The following KCNMB3 variants were observed in gnomAD, a reference collection of about 807,000 sequenced individuals.
KCNMB3 encodes the protein potassium calcium-activated channel subfamily M regulatory beta subunit 3.
In KCNMB3, 18 loss-of-function variants were observed where a neutral mutation model predicts 11.9. The ratio of observed to expected loss-of-function variants is 1.51; its 90% CI spans 1.04 to 2.23. The LOEUF is 2.23. KCNMB3 is among the 30% of genes most tolerant of loss of function. KCNMB3 has a pLI of 0.00. For synonymous variants in KCNMB3, 78 were observed against 119.2 expected, an observed-to-expected ratio of 0.65 and a Z score of 2.25; for missense variants, 247 against 329.4, an observed-to-expected ratio of 0.75 and a Z score of 1.94.
At chr3:179,251,236 A>G (rs1725833243), upstream of KCNMB3, 13 of 1,514,656 alleles carry the variant, frequency 8.6e-6, no homozygotes, top group Non-Finnish European at 1.1e-5. Flanking sequence ...TATGTAAATA[A>G]GTGTTACGAA....
At chr3:179,266,976 G>A (rs939192671), upstream of KCNMB3, 30 of 1,224,194 alleles carry the variant, frequency 2.5e-5, no homozygotes, top group Admixed American at 1.7e-4. Flanking sequence ...TGCTGCAGCC[G>A]AAGCTGCTTC....
rs141857463 is a variant in KCNMB3 at position 179,250,817 on chromosome 3, C to T, written c.174G>A (p.Gly58=). 8.1e-5 allele frequency: 131 copies of T among 1,614,080 alleles called. No homozygotes were observed. The highest frequency in any genetic ancestry group is 8.3e-5 in the Non-Finnish European group (98 of 1,180,044). The change falls in exon 1 of 3, where the codon GGG becomes GGA. Residue 58 remains glycine, a synonymous_variant. Transcript: ENST00000392685. ...GGACTGAGAAGCCCATCATGGCAAA[C>T]CCCAGCATCACGGCTCGGTCCTCTC... The part of the protein sequence containing the change: ...SAGEDRAVML[G]FAMMGFSVLM...
At chr3:179,266,508 G>A in intron 1 of KCNMB3, 1 of 904,574 alleles carries the variant, frequency 1.1e-6, no homozygotes, top group Non-Finnish European at 1.7e-6. Flanking sequence ...AAGCCTGCTG[G>A]GTACCCTGGG....
intron 1 of KCNMB3, among the ~76,000 whole-genome samples, chr3:179,256,892 T>C (rs1410388955): frequency 6.6e-6 from 1 of 152,204 alleles, no homozygotes; most frequent in Non-Finnish European, 1.5e-5. Context: ...CAGGCTGTGG[T>C]GGCTCATGCC....
At chr3:179,259,058 G>C in intron 1 of KCNMB3, 1 of 1,611,404 alleles carries the variant, frequency 6.2e-7, no homozygotes, top group Non-Finnish European at 8.5e-7. Flanking sequence ...TGCCCTTCTC[G>C]TTCCCTCCTC....
intron 1 of KCNMB3, among the ~76,000 whole-genome samples, chr3:179,245,197 T>A (rs1255806517): frequency 6.6e-6 from 1 of 152,064 alleles, no homozygotes; most frequent in African/African-American, 2.4e-5. Flanking sequence ...CCTCTCATGC[T>A]CATCATCTCA....
chr3:179,258,933 G>C, intron 1 of KCNMB3: 1 of 1,613,438 alleles, frequency 6.2e-7, no homozygotes, highest in Non-Finnish European at 8.5e-7. Context: ...TATGAATTTA[G>C]AACATTCTAC....
In KCNMB3 at chr3:179,249,203, C is replaced by T. The variant is rs541288350; in HGVS notation, c.248+1540G>A. On this transcript the variant is annotated intron_variant, in intron 1 of 2. Coordinates refer to ENST00000392685, the MANE Select transcript of KCNMB3 (RefSeq NM_171830.2). ...AATTTTTTTGTATTTTTAGTAGAGA[C>T]GGGGTTTCAGCATGTTAGCCAGGAT... Among the ~76,000 whole-genome samples the T allele has an allele frequency of 4.9e-4, 74 of 150,100 alleles. 1 individual carries two copies. In the East Asian group the frequency reaches 0.012, roughly 24 times the overall value.
At chr3:179,264,235 A>G (rs571125347) in intron 1 of KCNMB3, among the ~76,000 whole-genome samples, 115 of 152,208 alleles carry the variant, frequency 7.6e-4, no homozygotes, top group Non-Finnish European at 1.3e-3. Context: ...CCTATTGGCT[A>G]CATAATGTTC....
At chr3:179,245,787 C>T (rs1456167981) in intron 1 of KCNMB3, among the ~76,000 whole-genome samples, 2 of 152,198 alleles carry the variant, frequency 1.3e-5, no homozygotes, top group Non-Finnish European at 2.9e-5. Context: ...GCGTGAGCCA[C>T]GGCTCCTGGT....
At chr3:179,266,658 C>G in exon 1 of KCNMB3, 1 of 1,614,132 alleles carries the variant, frequency 6.2e-7, no homozygotes, top group Non-Finnish European at 8.5e-7. Flanking sequence ...CCTCCCCTGG[C>G]GCCTCCGGCT....
intron 1 of KCNMB3, among the ~76,000 whole-genome samples, chr3:179,261,634 G>C (rs539434581): frequency 6.6e-6 from 1 of 151,650 alleles, no homozygotes; most frequent in African/African-American, 2.4e-5. Context: ...GAATTCAGTA[G>C]AAACTGTACC....
At chr3:179,253,513 T>C (rs191171250), upstream of KCNMB3, among the ~76,000 whole-genome samples, 4 of 152,212 alleles carry the variant, frequency 2.6e-5, no homozygotes, top group African/African-American at 7.2e-5. Context: ...AACTAAAACA[T>C]AGATAGGTTT....
downstream of KCNMB3, chr3:179,240,461 C>G (rs116503868): frequency 3.9e-3 from 601 of 155,302 alleles, 4 homozygotes; most frequent in African/African-American, 0.013. Context: ...GTTTGAAGAT[C>G]AGAACCTAGA....
At chr3:179,247,789 C>T (rs1385852075) in intron 1 of KCNMB3, among the ~76,000 whole-genome samples, 1 of 152,112 alleles carries the variant, frequency 6.6e-6, no homozygotes, top group Non-Finnish European at 1.5e-5. Flanking sequence ...TACATCTTTC[C>T]CCTAACAATG....
Position 179,242,779 on chromosome 3 carries a change from C to A in KCNMB3, c.*125G>T. 3.6e-6 allele frequency: 5 copies of A among 1,373,324 alleles called. No homozygotes were observed. Among genetic ancestry groups the A allele is most frequent in the South Asian group, 4.0e-5 (2 of 50,222 alleles). The allele number at this position is 1,373,324 out of a possible 1,614,324, so 85.1% of individuals were successfully genotyped here. A position where few individuals can be genotyped will look rare whatever the true frequency, so the allele number is the denominator to read the frequency against. ...AAAATGAGGCTTTTAAATTTTTTCCCACATGAAAATATGATACTTTAATTA... is the reference window on the plus strand; with the variant it reads ...AAAATGAGGCTTTTAAATTTTTTCCAACATGAAAATATGATACTTTAATTA... On this transcript the variant is annotated 3_prime_UTR_variant, in exon 3 of 3. Coordinates refer to ENST00000392685, the MANE Select transcript of KCNMB3 (RefSeq NM_171830.2).
intron 1 of KCNMB3, among the ~76,000 whole-genome samples, chr3:179,250,165 G>A (rs569895168): frequency 6.6e-6 from 1 of 152,304 alleles, no homozygotes; most frequent in East Asian, 1.9e-4. Context: ...GGAGGAGAAA[G>A]AGGAGGGATT....
chr3:179,264,971 G>C (rs888788280), intron 1 of KCNMB3, among the ~76,000 whole-genome samples: 1 of 152,154 alleles, frequency 6.6e-6, no homozygotes, highest in Non-Finnish European at 1.5e-5. Flanking sequence ...ATCAAGTTCA[G>C]CAAGAGGAAA....
At chr3:179,264,703 A>T (rs146484089) in intron 1 of KCNMB3, among the ~76,000 whole-genome samples, 2 of 152,268 alleles carry the variant, frequency 1.3e-5, no homozygotes, top group East Asian at 3.9e-4. Flanking sequence ...TCCCTCCAGC[A>T]CTGAAACTTT....
Sources: gnomAD v4.1 joint callset for allele counts (sites outside exome capture counted in the v4.1 genomes callset) on GRCh38, gnomAD v4.1.1 for gene constraint, MANE v1.5 for transcripts, NCBI Gene and HGNC (gene_info 2026-07-23, HGNC 2026-07-21) for gene names.